The following SIL1 variants were observed in gnomAD, a reference collection of about 807,000 sequenced individuals.
The protein encoded by SIL1 is SIL1 nucleotide exchange factor.
Under a neutral mutation model 49.1 loss-of-function variants are expected in SIL1, and 40 were observed. The ratio of observed to expected loss-of-function variants is 0.81; its 90% confidence interval spans 0.63 to 1.06. The LOEUF is 1.06. Among genes scored for constraint, SIL1 ranks in the 50% least tolerant of loss-of-function variants. The pLI, the probability that SIL1 is intolerant of heterozygous loss-of-function variation, is 0.00. For synonymous variants in SIL1, 253 were observed against 250.8 expected (o/e 1.01, Z -0.08); for missense variants, 500 against 572.6 (o/e 0.87, Z 1.29).
At chr5:138,978,737 T>C (rs147299725) in intron 7 of SIL1, among the ~76,000 whole-genome samples, 2 of 152,338 alleles carry the variant, frequency 1.3e-5, no homozygotes, top group African/African-American at 4.8e-5. Context: ...TGTTCTCTCA[T>C]TGTGGTTGGG....
intron 7 of SIL1, among the ~76,000 whole-genome samples, chr5:138,997,195 G>A (rs1226168748): frequency 1.3e-5 from 2 of 152,158 alleles, no homozygotes; most frequent in Non-Finnish European, 2.9e-5. Context: ...CTCCCCAAAT[G>A]CTGGAATTAC....
chr5:139,083,735 T>C (rs1392369183), intron 3 of SIL1, among the ~76,000 whole-genome samples: 1 of 10,818 alleles, frequency 9.2e-5, no homozygotes, highest in African/African-American at 4.2e-4. Context: ...TTTTGGTGTT[T>C]TGGACATGAA....
chr5:139,142,015 G>A (rs1333272724), intron 1 of SIL1, among the ~76,000 whole-genome samples: 1 of 152,194 alleles, frequency 6.6e-6, no homozygotes, highest in Non-Finnish European at 1.5e-5. Context: ...CAGTCTTAAA[G>A]TCCAACTTAG....
intron 7 of SIL1, among the ~76,000 whole-genome samples, chr5:138,953,106 C>G (rs1456089035): frequency 6.6e-6 from 1 of 152,226 alleles, no homozygotes; most frequent in African/African-American, 2.4e-5. Context: ...ACAAAGGACA[C>G]CGCAGTCTAC....
intron 3 of SIL1, among the ~76,000 whole-genome samples, chr5:139,119,523 G>A (rs910127011): frequency 1.3e-5 from 2 of 152,228 alleles, no homozygotes; most frequent in East Asian, 1.9e-4. Flanking sequence ...GACTTTGGCA[G>A]GCTGAGGCAG....
intron 1 of SIL1, among the ~76,000 whole-genome samples, chr5:139,143,063 C>T (rs1324846114): frequency 2.0e-5 from 3 of 151,470 alleles, no homozygotes; most frequent in Non-Finnish European, 2.9e-5. Context: ...CCACCGCGCC[C>T]GGCCACCCAC....
intron 2 of SIL1, among the ~76,000 whole-genome samples, chr5:139,121,380 C>A (rs1750634385): frequency 6.6e-6 from 1 of 152,114 alleles, no homozygotes; most frequent in Admixed American, 6.6e-5. Flanking sequence ...AGCATGTTGT[C>A]CTGTGCGTAT....
intron 7 of SIL1, among the ~76,000 whole-genome samples, chr5:138,964,074 A>G (rs947007009): frequency 2.6e-5 from 4 of 152,276 alleles, no homozygotes; most frequent in Admixed American, 1.3e-4. Flanking sequence ...CCTAAAGGAA[A>G]GTGGAGACTT....
chr5:139,129,268 T>C (rs1426618736), intron 1 of SIL1, among the ~76,000 whole-genome samples: 3 of 152,200 alleles, frequency 2.0e-5, no homozygotes, highest in Admixed American at 6.5e-5. Context: ...TGGAATAAAA[T>C]TGAGAGTCCA....
At chr5:139,035,223 C>T in intron 5 of SIL1, 2 of 445,564 alleles carry the variant, frequency 4.5e-6, no homozygotes, top group Non-Finnish European at 8.7e-6. Context: ...ATCAACACTG[C>T]AGCCCACAAA....
At chr5:138,955,125 G>T (rs1766874310) in intron 7 of SIL1, among the ~76,000 whole-genome samples, 1 of 152,216 alleles carries the variant, frequency 6.6e-6, no homozygotes, top group Admixed American at 6.5e-5. Context: ...TGGCTGGAAG[G>T]TAGGTGTCCT....
At chr5:139,139,314 G>A (rs923939328) in intron 1 of SIL1, among the ~76,000 whole-genome samples, 9 of 152,314 alleles carry the variant, frequency 5.9e-5, no homozygotes, top group African/African-American at 1.7e-4. Context: ...GTCAGGGTTC[G>A]AGGGGAGGAG....
At chr5:139,049,514 C>G (rs1769241523) in intron 4 of SIL1, among the ~76,000 whole-genome samples, 1 of 152,028 alleles carries the variant, frequency 6.6e-6, no homozygotes, top group Non-Finnish European at 1.5e-5. Context: ...CCAGGCTGGG[C>G]ACAGTGGTCC....
At chr5:139,149,800 A>C (rs140166723) in intron 1 of SIL1, among the ~76,000 whole-genome samples, 3 of 152,342 alleles carry the variant, frequency 2.0e-5, no homozygotes, top group African/African-American at 7.2e-5. Context: ...AGGAACATGC[A>C]TTAATTTCAA....
intron 5 of SIL1, among the ~76,000 whole-genome samples, chr5:139,038,964 G>A (rs1768978561): frequency 6.6e-6 from 1 of 152,228 alleles, no homozygotes; most frequent in African/African-American, 2.4e-5. Context: ...GCAGAGGACA[G>A]ATATTCAAGT....
intron 7 of SIL1, among the ~76,000 whole-genome samples, chr5:139,010,672 C>T (rs1184585528): frequency 1.3e-5 from 2 of 149,480 alleles, no homozygotes; most frequent in African/African-American, 4.9e-5. Flanking sequence ...TGTTAGTTTT[C>T]CTTCTAACAG....
intron 3 of SIL1, among the ~76,000 whole-genome samples, chr5:139,073,514 T>C (rs1769880044): frequency 6.6e-6 from 1 of 152,128 alleles, no homozygotes; most frequent in African/African-American, 2.4e-5. Context: ...AGCAGAATCA[T>C]AGTTAACCAG....
intron 5 of SIL1, among the ~76,000 whole-genome samples, chr5:139,029,872 C>T (rs1250104427): frequency 6.6e-6 from 1 of 151,334 alleles, no homozygotes; most frequent in East Asian, 2.0e-4. Context: ...CCTAACTACT[C>T]AGGCTGAGGT....
chr5:139,014,083 C>G (rs891494524), intron 7 of SIL1: 13 of 152,150 alleles, frequency 8.5e-5, no homozygotes, highest in South Asian at 2.1e-4. Flanking sequence ...TGGCTTACAA[C>G]AGAGAAGTAG....
Sources: allele counts gnomAD v4.1 joint callset (sites outside exome capture counted in the v4.1 genomes callset), GRCh38; gene constraint gnomAD v4.1.1; transcripts MANE v1.5; gene names NCBI Gene and HGNC (gene_info 2026-07-23, HGNC 2026-07-21).